The following RBFOX3 variants were observed in gnomAD, a reference collection of about 807,000 sequenced individuals.
RBFOX3 encodes RNA binding fox-1 homolog 3.
In RBFOX3, 17 loss-of-function variants were observed where a neutral mutation model predicts 48.7. That is an observed-to-expected ratio of 0.35 (90% CI 0.24 to 0.52). RBFOX3 has a LOEUF of 0.52. Ranked by LOEUF, RBFOX3 falls within the 20% of genes least tolerant of loss-of-function variation. RBFOX3 has a pLI of 0.94. For missense variants in RBFOX3, 382 were observed against 497.5 expected (o/e 0.77, Z 2.21); for synonymous variants, 212 against 209.5 (o/e 1.01, Z -0.10).
At chr17:79,345,384 T>C (rs1395566856) in intron 2 of RBFOX3, among the ~76,000 whole-genome samples, 6 of 152,238 alleles carry the variant, frequency 3.9e-5, no homozygotes, top group Non-Finnish European at 1.5e-5. Flanking sequence ...GATAGAAGTT[T>C]ATCAGTTTTA....
chr17:79,280,120 A>ACG (rs945746619), intron 3 of RBFOX3, among the ~76,000 whole-genome samples: 12 of 150,076 alleles, frequency 8.0e-5, no homozygotes, highest in African/African-American at 2.2e-4. Flanking sequence ...ATGCACACAC[A>ACG]CACGCACATA....
chr17:79,152,804 A>G (rs2044862805), intron 4 of RBFOX3, among the ~76,000 whole-genome samples: 1 of 152,192 alleles, frequency 6.6e-6, no homozygotes, highest in Admixed American at 6.5e-5. Flanking sequence ...TGGCTTGGGC[A>G]CAGGTGCCAG....
chr17:79,344,352 T>C (rs2082547262), intron 2 of RBFOX3, among the ~76,000 whole-genome samples: 1 of 152,096 alleles, frequency 6.6e-6, no homozygotes, highest in Admixed American at 6.6e-5. Flanking sequence ...CTTGGAAGGC[T>C]CTACCATTCC....
chr17:79,483,856 C>T (rs2079133902), intron 1 of RBFOX3, among the ~76,000 whole-genome samples: 1 of 152,124 alleles, frequency 6.6e-6, no homozygotes, highest in Non-Finnish European at 1.5e-5. Flanking sequence ...AATCATATCC[C>T]ACGATCACAC....
At chr17:79,658,899 G>A in the RBFOX3 span, among the ~76,000 whole-genome samples, 4 of 152,310 alleles carry the variant, frequency 2.6e-5, no homozygotes, top group African/African-American at 9.6e-5. Flanking sequence ...TGCAATGAGC[G>A]CTTCCTGCAC....
intron 13 of RBFOX3, among the ~76,000 whole-genome samples, chr17:79,095,244 G>T (rs1233590762): frequency 6.6e-6 from 1 of 151,886 alleles, no homozygotes; most frequent in Non-Finnish European, 1.5e-5. Flanking sequence ...CACGGGGCTT[G>T]CGGGGGGCGG....
chr17:79,186,181 T>C (rs2053355788), intron 4 of RBFOX3, among the ~76,000 whole-genome samples: 1 of 152,222 alleles, frequency 6.6e-6, no homozygotes, highest in Non-Finnish European at 1.5e-5. Context: ...CAGGAGCATG[T>C]CTGGACACCT....
rs1287442074 is a variant in RBFOX3 at position 79,214,641 on chromosome 17, GCAGGGCTGAAGCTGGGTCTGTTCCC to G, written c.-34+21100_-34+21124del. Among the ~76,000 whole-genome samples, 2 of 151,956 alleles carry G rather than the reference GCAGGGCTGAAGCTGGGTCTGTTCCC, an allele frequency of 1.3e-5. No individual in the cohort carries two copies. Among genetic ancestry groups the G allele is most frequent in the Non-Finnish European group, 2.9e-5 (2 of 67,954 alleles). On this transcript the variant is annotated intron_variant, in intron 4 of 14. Transcript: ENST00000693108. This position sits in a 1 kb window ranked among gnomAD's most constrained non-coding sequence, Gnocchi z 4.7. The stretch of plus-strand genomic sequence containing the variant: ...AGAGAGGAGGAGCCCAGGCTCCCAG[GCAGGGCTGAAGCTGGGTCTGTTCCC>G]CAGGTTCCTGGGAGGGTGGCCATCT...
At chr17:79,567,742 C>T (rs1229711517) in intron 1 of RBFOX3, among the ~76,000 whole-genome samples, 2 of 152,312 alleles carry the variant, frequency 1.3e-5, no homozygotes, top group Admixed American at 6.5e-5. Context: ...TGAGATGCTA[C>T]GTGCCAAGTT....
chr17:79,539,543 GC>G (rs2089366616), intron 1 of RBFOX3, among the ~76,000 whole-genome samples: 1 of 152,148 alleles, frequency 6.6e-6, no homozygotes, highest in South Asian at 2.1e-4. Context: ...AGCTACGAGT[GC>G]CAGGAAAACA....
intron 2 of RBFOX3, among the ~76,000 whole-genome samples, chr17:79,375,131 G>A (rs554246974): frequency 7.9e-5 from 12 of 152,280 alleles, no homozygotes; most frequent in African/African-American, 2.4e-4. Context: ...TGACATCCCC[G>A]GGAGCAGGAA....
Position 79,195,254 on chromosome 17 carries a change from G to A in RBFOX3, c.-34+40512C>T, listed in dbSNP as rs192287151. On this transcript the variant is annotated intron_variant, in intron 4 of 14. Transcript: ENST00000693108. This position sits in a 1 kb window ranked among gnomAD's most constrained non-coding sequence, Gnocchi z 5.3. Reference sequence around the variant, plus strand: ...CTACTAAAAATACAAAAAATAAGCCGGACATGGTGGTGGCTCTCGTGCGTA... The same window carrying A: ...CTACTAAAAATACAAAAAATAAGCCAGACATGGTGGTGGCTCTCGTGCGTA... Among the ~76,000 whole-genome samples the A allele has an allele frequency of 4.3e-4, 65 of 152,124 alleles. 1 individual carries two copies. The East Asian group carries it at 8.5e-3, about 20-fold the overall frequency.
chr17:79,287,414 T>C (rs146074211), intron 3 of RBFOX3, among the ~76,000 whole-genome samples: 4,627 of 152,210 alleles, frequency 0.03, 115 homozygotes, highest in East Asian at 0.069. Context: ...TAGGTTTGCA[T>C]TGAGTGGGGG....
At chr17:79,638,273 A>G in the RBFOX3 span, among the ~76,000 whole-genome samples, 3 of 151,486 alleles carry the variant, frequency 2.0e-5, no homozygotes, top group African/African-American at 7.3e-5. Context: ...AGAATAGAAA[A>G]ACAATAGGTA....
At chr17:79,611,608 C>A (rs949072915), upstream of RBFOX3, among the ~76,000 whole-genome samples, 3 of 152,114 alleles carry the variant, frequency 2.0e-5, no homozygotes, top group Non-Finnish European at 4.4e-5. Flanking sequence ...TCCCTGGGGG[C>A]CATTTTTCTT....
chr17:79,604,861 G>A (rs1333032296), intron 1 of RBFOX3, among the ~76,000 whole-genome samples: 11 of 152,120 alleles, frequency 7.2e-5, no homozygotes, highest in South Asian at 6.2e-4. Flanking sequence ...TCTCATGACC[G>A]TTGCCTAAAA....
At chr17:79,556,813 A>C (rs1599146970) in intron 1 of RBFOX3, among the ~76,000 whole-genome samples, 1 of 152,170 alleles carries the variant, frequency 6.6e-6, no homozygotes, top group Admixed American at 6.5e-5. Context: ...AGTCCACCGA[A>C]GGGGAGCGTG....
chr17:79,578,245 A>T (rs2092928098), intron 1 of RBFOX3, among the ~76,000 whole-genome samples: 1 of 152,256 alleles, frequency 6.6e-6, no homozygotes, highest in African/African-American at 2.4e-5. Flanking sequence ...GGAGCTTTGC[A>T]ACAAAACCCG....
intron 5 of RBFOX3, among the ~76,000 whole-genome samples, chr17:79,110,179 A>T (rs926338852): frequency 1.3e-5 from 2 of 151,330 alleles, no homozygotes; most frequent in East Asian, 1.9e-4. Context: ...AAATGCAGGG[A>T]AAGAGAAAAG....
Sources: gnomAD v4.1 joint callset for allele counts (sites outside exome capture counted in the v4.1 genomes callset) on GRCh38, gnomAD v4.1.1 for gene constraint, Gnocchi (gnomAD v3.1) non-coding constraint, MANE v1.5 for transcripts, NCBI Gene and HGNC (gene_info 2026-07-23, HGNC 2026-07-21) for gene names.